Variants in ALK observed in about 807,000 individuals in gnomAD.
ALK encodes ALK receptor tyrosine kinase, also known as ALK tyrosine kinase receptor.
A neutral mutation model predicts 163.1 loss-of-function variants in ALK; 74 were observed. The observed-to-expected ratio is 0.45, with a 90% CI of 0.38 to 0.55. The LOEUF is 0.55. Among genes scored for constraint, ALK ranks in the 20% least tolerant of loss-of-function variants. The pLI, the probability that ALK is intolerant of heterozygous loss-of-function variation, is 0.00. For missense variants in ALK, 2,063 were observed against 2,105.3 expected, an observed-to-expected ratio of 0.98 and a Z score of 0.39; for synonymous variants, 960 against 843.2, an observed-to-expected ratio of 1.14 and a Z score of -2.40.
intron 28 of ALK, among the ~76,000 whole-genome samples, chr2:29,194,648 C>T (rs1668977546): frequency 1.4e-5 from 2 of 143,840 alleles, no homozygotes; most frequent in South Asian, 2.4e-4. Context: ...TACAGGCATG[C>T]ACCCCACCCC....
At chr2:29,207,113 G>A (rs113900307) in intron 26 of ALK, 58 bp downstream of exon 26, 7 of 1,373,854 alleles carry the variant, frequency 5.1e-6, no homozygotes, top group African/African-American at 4.3e-5. Flanking sequence ...AGAGTCCTTT[G>A]GCCCAGGAGC....
At chr2:29,786,102 G>T (rs1044311561) in intron 1 of ALK, among the ~76,000 whole-genome samples, 6 of 152,156 alleles carry the variant, frequency 3.9e-5, no homozygotes, top group African/African-American at 1.4e-4. Flanking sequence ...GACTAAGGAT[G>T]ATTGACGTTC....
At chr2:29,353,590 C>T (rs959246204) in intron 5 of ALK, among the ~76,000 whole-genome samples, 7 of 152,122 alleles carry the variant, frequency 4.6e-5, no homozygotes, top group African/African-American at 1.7e-4. Context: ...GGAGCTAAAG[C>T]CTGCTCCTGT....
At chr2:29,199,080 A>G (rs1004209840) in intron 26 of ALK, among the ~76,000 whole-genome samples, 1 of 151,646 alleles carries the variant, frequency 6.6e-6, no homozygotes, top group African/African-American at 2.4e-5. Context: ...CAGCCTCCCA[A>G]GTAGCTGGGA....
At chr2:29,362,075 A>G (rs1668400914) in intron 5 of ALK, among the ~76,000 whole-genome samples, 1 of 152,138 alleles carries the variant, frequency 6.6e-6, no homozygotes, top group Admixed American at 6.5e-5. Context: ...TGGAGGAGAA[A>G]CAGAGAAAGG....
chr2:29,609,529 G>A (rs1166907406), intron 3 of ALK, among the ~76,000 whole-genome samples: 1 of 152,166 alleles, frequency 6.6e-6, no homozygotes, highest in Non-Finnish European at 1.5e-5. Flanking sequence ...AGATTTGGAT[G>A]GGATCTCAAA....
At chr2:29,896,179 C>T (rs78508934) in intron 1 of ALK, among the ~76,000 whole-genome samples, 2,005 of 152,220 alleles carry the variant, frequency 0.013, 49 homozygotes, top group East Asian at 0.073. Context: ...AGCAGGGAGC[C>T]GGGCTGCAGA....
At chr2:29,395,283 A>G (rs1301666703) in intron 4 of ALK, among the ~76,000 whole-genome samples, 1 of 152,232 alleles carries the variant, frequency 6.6e-6, no homozygotes, top group East Asian at 1.9e-4. Flanking sequence ...AACTTTATAC[A>G]GTAGGGTGAA....
intron 1 of ALK, among the ~76,000 whole-genome samples, chr2:29,760,437 C>T (rs543093231): frequency 2.4e-4 from 36 of 152,272 alleles, no homozygotes; most frequent in African/African-American, 8.2e-4. Flanking sequence ...TTTAAGAGTC[C>T]TAGTTACTAT....
intron 13 of ALK, among the ~76,000 whole-genome samples, chr2:29,235,856 CT>C (rs569363324): frequency 0.08 from 2,977 of 37,376 alleles, 24 homozygotes; most frequent in Middle Eastern, 0.12. Flanking sequence ...CCAGGCTCGA[CT>C]TTTTTTTTTT....
At chr2:29,272,250 A>G (rs1196688040) in intron 11 of ALK, among the ~76,000 whole-genome samples, 13 of 151,896 alleles carry the variant, frequency 8.6e-5, no homozygotes. Flanking sequence ...CATTACCCCA[A>G]TCATTTGGTT....
rs566400071 is a variant in ALK, at chr2:29,739,440, C to T, written c.668-21743G>A. Among the ~76,000 whole-genome samples the T allele has an allele frequency of 1.5e-4, 23 of 151,446 alleles. No individual in the cohort carries two copies. The South Asian group carries it at 4.6e-3, about 30-fold the overall frequency. Reference sequence around the variant, plus strand: ...GAGCGTGGTGGTATGTGCCTGTAGTCTCAGCTACTCAGGAGGCTGAGGCAG... The same window carrying T: ...GAGCGTGGTGGTATGTGCCTGTAGTTTCAGCTACTCAGGAGGCTGAGGCAG... On this transcript the variant is annotated intron_variant, in intron 1 of 28. Transcript: ENST00000389048.
At chr2:29,426,446 A>C (rs1393435696) in intron 4 of ALK, among the ~76,000 whole-genome samples, 1 of 152,210 alleles carries the variant, frequency 6.6e-6, no homozygotes, top group Non-Finnish European at 1.5e-5. Context: ...CAACCTCAAA[A>C]AGATTAATAG....
rs1669054741 is a variant in ALK, at chr2:29,197,568, G to C, written c.4047C>G (p.Asp1349Glu). 1 of 1,613,696 alleles carries C rather than the reference G, an allele frequency of 6.2e-7. No individual in the cohort carries two copies. The highest frequency in any genetic ancestry group is 8.5e-7 in the Non-Finnish European group (1 of 1,180,018). Residue 1349 changes from aspartate (D) to glutamate (E), a missense_variant, in exon 27 of 29, where the codon GAC (aspartate) becomes GAG (glutamate). Physicochemically the swap from Asp to Glu is conservative, Grantham distance 45. Coordinates refer to ENST00000389048, the MANE Select transcript of ALK (RefSeq NM_004304.5). The part of the protein sequence containing the change: ...LEFVTSGGRM[D>E]PPKNCPGPVY... Reference sequence around the variant, plus strand: ...CAGGCCCAGGGCAGTTCTTGGGTGGGTCCATCCGGCCTCCACTGGTGACAA... The same window carrying C: ...CAGGCCCAGGGCAGTTCTTGGGTGGCTCCATCCGGCCTCCACTGGTGACAA...
At chr2:29,687,656 G>T (rs1678277610) in intron 3 of ALK, among the ~76,000 whole-genome samples, 1 of 151,992 alleles carries the variant, frequency 6.6e-6, no homozygotes, top group South Asian at 2.1e-4. Flanking sequence ...AATTTACCTA[G>T]AAATAACTTC....
intron 4 of ALK, among the ~76,000 whole-genome samples, chr2:29,415,755 G>A (rs1669860310): frequency 6.6e-6 from 1 of 152,220 alleles, no homozygotes; most frequent in African/African-American, 2.4e-5. Context: ...TCTCACCAAT[G>A]TGGGCGGGCA....
chr2:29,473,969 T>C (rs116158182), intron 4 of ALK, among the ~76,000 whole-genome samples: 197 of 152,358 alleles, frequency 1.3e-3, no homozygotes, highest in African/African-American at 4.7e-3. Context: ...ACATTCTCAA[T>C]ACATTGCTGG....
At chr2:29,430,460 G>A (rs1203738627) in intron 4 of ALK, among the ~76,000 whole-genome samples, 1 of 152,214 alleles carries the variant, frequency 6.6e-6, no homozygotes, top group Non-Finnish European at 1.5e-5. Context: ...GGGCCATACA[G>A]TCTTTAACAC....
chr2:29,509,874 C>T (rs1672461557), intron 4 of ALK, among the ~76,000 whole-genome samples: 1 of 152,076 alleles, frequency 6.6e-6, no homozygotes, highest in Non-Finnish European at 1.5e-5. Context: ...ATTTACAAGG[C>T]AATCGAAAGG....
Sources: gnomAD v4.1 joint callset for allele counts (sites outside exome capture counted in the v4.1 genomes callset) on GRCh38, gnomAD v4.1.1 for gene constraint, MANE v1.5 for transcripts, NCBI Gene and HGNC (gene_info 2026-07-23, HGNC 2026-07-21) for gene names.